The following DOCK9 variants were observed in gnomAD, a reference collection of about 807,000 sequenced individuals.
DOCK9 encodes the protein dedicator of cytokinesis 9, also known as dedicator of cytokinesis protein 9.
Under a neutral mutation model 263.3 loss-of-function variants are expected in DOCK9, and 89 were observed. That is an observed-to-expected ratio of 0.34 (90% CI 0.28 to 0.40). The LOEUF (loss-of-function observed/expected upper bound fraction) is 0.40, where lower values mean the gene tolerates loss of function less well. Among genes scored for constraint, DOCK9 ranks in the 10% least tolerant of loss-of-function variants. The probability of loss-of-function intolerance (pLI) is 1.00; values close to 1 mark genes in which losing one functional copy is unlikely to be tolerated. For synonymous variants in DOCK9, 976 were observed against 973.1 expected (o/e 1.00, Z -0.06); for missense variants, 2,140 against 2,603.4 (o/e 0.82, Z 3.87).
intron 1 of DOCK9, among the ~76,000 whole-genome samples, chr13:99,006,508 T>C (rs1181430022): frequency 2.0e-5 from 3 of 152,204 alleles, no homozygotes; most frequent in Non-Finnish European, 4.4e-5. Flanking sequence ...ACTATACATA[T>C]GTTAAATCAT....
intron 1 of DOCK9, among the ~76,000 whole-genome samples, chr13:98,961,037 C>T (rs143339271): frequency 6.6e-6 from 1 of 152,288 alleles, no homozygotes; most frequent in East Asian, 1.9e-4. Context: ...TGAGTTGAAG[C>T]AGCCCTGGGC....
At chr13:99,032,008 T>C (rs1027133519) in intron 1 of DOCK9, among the ~76,000 whole-genome samples, 4 of 152,192 alleles carry the variant, frequency 2.6e-5, no homozygotes, top group African/African-American at 4.8e-5. Flanking sequence ...GGGTTAAATA[T>C]ATTATGTAAC....
intron 1 of DOCK9, among the ~76,000 whole-genome samples, chr13:98,958,408 G>A (rs577647937): frequency 4.1e-4 from 62 of 152,322 alleles, no homozygotes; most frequent in African/African-American, 1.3e-3. Context: ...GGGGGTGAGA[G>A]GCTCTTCCCA....
rs780363908 is a variant in DOCK9, at chr13:98,918,185, A to G, written c.718-2682T>C. 2.7e-4 allele frequency among the ~76,000 whole-genome samples: 41 copies of G among 152,194 alleles called. 1 individual carries two copies. The highest frequency in any genetic ancestry group is 5.6e-4 in the Non-Finnish European group (38 of 68,018). ...AAGGGAAAGACTGAAGTGAGCCCCAAATTGCCTCAGCTTTCTGCCTGGAGG... is the reference window on the plus strand; with the variant it reads ...AAGGGAAAGACTGAAGTGAGCCCCAGATTGCCTCAGCTTTCTGCCTGGAGG... On this transcript the variant is annotated intron_variant, in intron 7 of 52. Transcript: ENST00000682017.
intron 1 of DOCK9, among the ~76,000 whole-genome samples, chr13:99,034,109 A>G (rs1887615418): frequency 6.6e-6 from 1 of 152,148 alleles, no homozygotes; most frequent in Non-Finnish European, 1.5e-5. Context: ...CTGCTATCCC[A>G]TACCTCATAT....
chr13:98,901,946 G>A lies in DOCK9; in HGVS notation c.1381-46C>T, dbSNP rs777720304. On this transcript the variant is annotated intron_variant, in intron 12 of 52. Transcript: ENST00000682017. ...TTCAGTAAGCAGAATTCACAGCTAC[G>A]TTAAACAAATCCCATGAACATTAAA... 2.9e-5 allele frequency: 46 copies of A among 1,596,974 alleles called. No individual in the cohort carries two copies. In the East Asian group the frequency reaches 4.5e-4, roughly 16 times the overall value.
At chr13:98,886,450 G>T in intron 19 of DOCK9, 82 bp downstream of exon 19, 1 of 1,127,110 alleles carries the variant, frequency 8.9e-7, no homozygotes, top group Non-Finnish European at 1.3e-6. Flanking sequence ...AGCTTCTCTT[G>T]AATTTTCCTT....
At chr13:98,816,242 A>C (rs2091837649) in intron 45 of DOCK9, among the ~76,000 whole-genome samples, 1 of 152,150 alleles carries the variant, frequency 6.6e-6, no homozygotes, top group Admixed American at 6.5e-5. Context: ...CATGAATGAA[A>C]TTTGCTTCCT....
chr13:98,978,937 G>C (rs1211114684), upstream of DOCK9, among the ~76,000 whole-genome samples: 4 of 152,054 alleles, frequency 2.6e-5, no homozygotes, highest in African/African-American at 9.7e-5. Context: ...TTTAACAGTG[G>C]AGTCTTTTTT....
At chr13:98,846,889 A>G in intron 37 of DOCK9, 1 of 323,472 alleles carries the variant, frequency 3.1e-6, no homozygotes, top group South Asian at 2.6e-5. Flanking sequence ...TGCAGCAGAG[A>G]ACCATGGCAA....
upstream of DOCK9, chr13:99,086,747 C>G (rs2390185): frequency 0.52 from 76,913 of 146,694 alleles, 20,474 homozygotes; most frequent in South Asian, 0.69. Context: ...GGAGGGGCCG[C>G]CGCGGCGGGA....
Position 98,886,715 on chromosome 13 carries a change from G to T in DOCK9, c.2044-91C>A, listed in dbSNP as rs73556977. The stretch of plus-strand genomic sequence containing the variant: ...ATCGTAAAGGAGGAGGCATTCCTAC[G>T]GCATAGACTTAGCATCGCCACCTCT... On this transcript the variant is annotated intron_variant, in intron 18 of 52. Transcript: ENST00000682017. 4.9e-6 allele frequency: 6 copies of T among 1,222,996 alleles called. No individual in the cohort carries two copies. The African/African-American group carries it at 6.0e-5, about 12-fold the overall frequency. 75.8% of individuals were successfully genotyped at this position (1,222,996 alleles called of 1,614,324 possible).
intron 9 of DOCK9, among the ~76,000 whole-genome samples, chr13:98,911,735 A>G (rs531257030): frequency 6.6e-6 from 1 of 152,122 alleles, no homozygotes; most frequent in East Asian, 2.0e-4. Context: ...TGTCTCTACT[A>G]GAAATACAAA....
intron 13 of DOCK9, among the ~76,000 whole-genome samples, chr13:98,900,264 C>T (rs2048073879): frequency 6.6e-6 from 1 of 152,108 alleles, no homozygotes; most frequent in Admixed American, 6.5e-5. Context: ...GATTTTTACA[C>T]CAATATGAGC....
chr13:99,045,667 A>T (rs1353502737), intron 1 of DOCK9, among the ~76,000 whole-genome samples: 1 of 152,180 alleles, frequency 6.6e-6, no homozygotes, highest in African/African-American at 2.4e-5. Context: ...ACTTAGCTTG[A>T]TTGAACCATT....
intron 1 of DOCK9, among the ~76,000 whole-genome samples, chr13:99,020,002 T>A (rs899240462): frequency 8.5e-5 from 13 of 152,254 alleles, no homozygotes; most frequent in Non-Finnish European, 1.3e-4. Flanking sequence ...CTGGGGAGGC[T>A]GATGCAGGAG....
intron 45 of DOCK9, among the ~76,000 whole-genome samples, chr13:98,815,457 A>G (rs917128604): frequency 1.3e-5 from 2 of 152,110 alleles, no homozygotes; most frequent in African/African-American, 4.8e-5. Context: ...TCAAAGAGAA[A>G]TGTAAAATTT....
chr13:99,049,926 T>A (rs757356246), intron 1 of DOCK9, among the ~76,000 whole-genome samples: 15 of 152,242 alleles, frequency 9.9e-5, no homozygotes, highest in Non-Finnish European at 1.5e-4. Context: ...AGATAATGAA[T>A]GCTGCAGGTT....
At chr13:99,067,870 C>CT (rs66506438) in intron 1 of DOCK9, among the ~76,000 whole-genome samples, 44,376 of 142,340 alleles carry the variant, frequency 0.31, 7,006 homozygotes, top group East Asian at 0.43. Context: ...AGGACAGAAG[C>CT]TTTTTTTTTT....
Sources: gnomAD v4.1 joint callset for allele counts (sites outside exome capture counted in the v4.1 genomes callset) on GRCh38, gnomAD v4.1.1 for gene constraint, MANE v1.5 for transcripts, NCBI Gene and HGNC (gene_info 2026-07-23, HGNC 2026-07-21) for gene names.